Variants in TACR1 observed in about 807,000 individuals in gnomAD.
The protein encoded by TACR1 is substance-P receptor.
Under a neutral mutation model 35.8 loss-of-function variants are expected in TACR1, and 25 were observed. The observed-to-expected ratio is 0.70, with a 90% CI of 0.51 to 0.98. TACR1 has a LOEUF of 0.98. TACR1 is among the 50% of genes least tolerant of loss of function. TACR1 has a pLI of 0.00. For synonymous variants in TACR1, 195 were observed against 206.7 expected (o/e 0.94, Z 0.48); for missense variants, 478 against 522.9 (o/e 0.91, Z 0.84).
At chr2:75,099,393 TTCTC>T (rs977222198) in intron 2 of TACR1, among the ~76,000 whole-genome samples, 2 of 152,244 alleles carry the variant, frequency 1.3e-5, no homozygotes, top group Admixed American at 6.5e-5. Flanking sequence ...GCTGTTACAA[TTCTC>T]TCTGTGGAAA....
chr2:75,095,631 G>A (rs1451615278), intron 2 of TACR1, among the ~76,000 whole-genome samples: 1 of 152,174 alleles, frequency 6.6e-6, no homozygotes. Flanking sequence ...AGGTAAAGAA[G>A]CTGGGCTTAC....
chr2:75,191,409 G>C (rs539907771), intron 1 of TACR1, among the ~76,000 whole-genome samples: 3 of 151,926 alleles, frequency 2.0e-5, no homozygotes, highest in Non-Finnish European at 2.9e-5. Context: ...GCCAGAGAAG[G>C]GTCCATAAGA....
chr2:75,085,159 C>G (rs1673167300), intron 2 of TACR1, among the ~76,000 whole-genome samples: 1 of 152,038 alleles, frequency 6.6e-6, no homozygotes, highest in Non-Finnish European at 1.5e-5. Flanking sequence ...ACCAACATTT[C>G]TTAAGCCGAT....
chr2:75,068,943 G>A (rs550229287), intron 2 of TACR1, among the ~76,000 whole-genome samples: 1 of 152,314 alleles, frequency 6.6e-6, no homozygotes, highest in East Asian at 1.9e-4. Context: ...CTGTTTGGCT[G>A]TGTCCCCACC....
chr2:75,119,949 G>A (rs148796357), intron 2 of TACR1, among the ~76,000 whole-genome samples: 73 of 152,314 alleles, frequency 4.8e-4, no homozygotes, highest in African/African-American at 1.6e-3. Flanking sequence ...GCAGCTACCC[G>A]TGGAGATTAA....
intron 2 of TACR1, among the ~76,000 whole-genome samples, chr2:75,095,792 C>T (rs919466210): frequency 3.3e-5 from 5 of 152,036 alleles, no homozygotes; most frequent in Admixed American, 2.6e-4. Flanking sequence ...AGTCAAGTCC[C>T]CTTAGGATGC....
At chr2:75,054,326 C>G (rs891545568) in intron 2 of TACR1, among the ~76,000 whole-genome samples, 1 of 152,180 alleles carries the variant, frequency 6.6e-6, no homozygotes, top group Non-Finnish European at 1.5e-5. Context: ...TTATCGGTAT[C>G]AGAATAATTA....
At chr2:75,091,253 C>T (rs1673307043) in intron 2 of TACR1, among the ~76,000 whole-genome samples, 1 of 145,024 alleles carries the variant, frequency 6.9e-6, no homozygotes, top group East Asian at 2.2e-4. Context: ...GCTCCTAACT[C>T]TACCATAACT....
At chr2:75,126,993 G>C (rs1674086764) in intron 1 of TACR1, among the ~76,000 whole-genome samples, 1 of 152,136 alleles carries the variant, frequency 6.6e-6, no homozygotes, top group Admixed American at 6.5e-5. Context: ...AAAAATAACA[G>C]ATGCTGGTGA....
intron 2 of TACR1, among the ~76,000 whole-genome samples, chr2:75,091,873 A>C (rs1442168117): frequency 6.6e-6 from 1 of 152,218 alleles, no homozygotes; most frequent in Non-Finnish European, 1.5e-5. Context: ...CATGGGGAAG[A>C]AGCAGTTCTT....
intron 1 of TACR1, among the ~76,000 whole-genome samples, chr2:75,148,692 G>A (rs1351274111): frequency 2.6e-5 from 4 of 152,076 alleles, no homozygotes; most frequent in Non-Finnish European, 5.9e-5. Flanking sequence ...TCTGATGATA[G>A]TTTCTTTTGC....
At chr2:75,106,317 G>C (rs556596372) in intron 2 of TACR1, among the ~76,000 whole-genome samples, 1 of 152,158 alleles carries the variant, frequency 6.6e-6, no homozygotes, top group Non-Finnish European at 1.5e-5. Context: ...TAGGTTGATA[G>C]ACATCTGGAT....
chr2:75,119,139 G>A (rs1056381403), intron 2 of TACR1, among the ~76,000 whole-genome samples: 1 of 152,166 alleles, frequency 6.6e-6, no homozygotes, highest in African/African-American at 2.4e-5. Flanking sequence ...CAAAGCTTGG[G>A]GGAAATGACA....
intron 1 of TACR1, among the ~76,000 whole-genome samples, chr2:75,178,359 A>G (rs911676493): frequency 4.6e-5 from 7 of 151,892 alleles, no homozygotes; most frequent in Middle Eastern, 3.4e-3. Context: ...TAATTTTTGT[A>G]TTTTTAGTAG....
intron 2 of TACR1, among the ~76,000 whole-genome samples, chr2:75,080,035 C>A (rs1355934190): frequency 6.6e-6 from 1 of 152,132 alleles, no homozygotes; most frequent in Non-Finnish European, 1.5e-5. Context: ...GCACTAGAAG[C>A]AGTTACCCTC....
At chr2:75,120,996 A>G (rs1673960110) in intron 1 of TACR1, among the ~76,000 whole-genome samples, 1 of 152,196 alleles carries the variant, frequency 6.6e-6, no homozygotes, top group African/African-American at 2.4e-5. Flanking sequence ...GTATTTCAGA[A>G]CCTATCTAGC....
chr2:75,186,078 G>T (rs1675687099), intron 1 of TACR1, among the ~76,000 whole-genome samples: 1 of 152,076 alleles, frequency 6.6e-6, no homozygotes, highest in South Asian at 2.1e-4. Context: ...TCTATGCATA[G>T]AAAGAAAGTC....
rs138978914 is a variant in TACR1 at position 75,128,326 on chromosome 2, C to T, written c.390-7558G>A. On this transcript the variant is annotated intron_variant, in intron 1 of 4. Coordinates refer to ENST00000305249, the MANE Select transcript of TACR1 (RefSeq NM_001058.4). Reference sequence around the variant, plus strand: ...AGGCACTAAGCCAGGATTGATAAAGCGCCCTAGTTGGGCATAGATAGAAGG... The same window carrying T: ...AGGCACTAAGCCAGGATTGATAAAGTGCCCTAGTTGGGCATAGATAGAAGG... 1.2e-3 allele frequency among the ~76,000 whole-genome samples: 177 copies of T among 152,296 alleles called. 1 individual carries two copies. Among genetic ancestry groups the T allele is most frequent in the South Asian group, 1.2e-3 (6 of 4,824 alleles).
intron 1 of TACR1, among the ~76,000 whole-genome samples, chr2:75,160,708 G>A (rs6733933): frequency 0.83 from 113,840 of 136,638 alleles, 48,055 homozygotes; most frequent in African/African-American, 0.9. Flanking sequence ...AAAAATAATG[G>A]GGAAATAGGG....
Sources: gnomAD v4.1 joint callset for allele counts (sites outside exome capture counted in the v4.1 genomes callset) on GRCh38, gnomAD v4.1.1 for gene constraint, MANE v1.5 for transcripts, NCBI Gene and HGNC (gene_info 2026-07-23, HGNC 2026-07-21) for gene names.